FGGY: variants seen among roughly 807,000 people sequenced by gnomAD.
The protein encoded by FGGY is FGGY carbohydrate kinase domain-containing protein.
In FGGY, 72 loss-of-function variants were observed where a neutral mutation model predicts 71.3. That is an observed-to-expected ratio of 1.01 (90% CI 0.84 to 1.23). The LOEUF is 1.23. Among genes scored for constraint, FGGY ranks in the 50% most tolerant of loss-of-function variants. FGGY has a pLI of 0.00. For synonymous variants in FGGY, 251 were observed against 250.3 expected (o/e 1.00, Z -0.02); for missense variants, 668 against 682.3 (o/e 0.98, Z 0.23).
intron 5 of FGGY, among the ~76,000 whole-genome samples, chr1:59,386,434 C>A (rs1438289746): frequency 1.3e-5 from 2 of 152,120 alleles, no homozygotes; most frequent in African/African-American, 4.8e-5. Flanking sequence ...CTTTCTCAAC[C>A]TATCAAGCGA....
chr1:59,374,233 A>T (rs2058245854), intron 4 of FGGY, among the ~76,000 whole-genome samples: 1 of 152,230 alleles, frequency 6.6e-6, no homozygotes, highest in Non-Finnish European at 1.5e-5. Context: ...CCCATCAAAA[A>T]GTGGGTGCAG....
intron 10 of FGGY, among the ~76,000 whole-genome samples, chr1:59,629,344 A>G (rs2096887713): frequency 6.6e-6 from 1 of 152,250 alleles, no homozygotes; most frequent in African/African-American, 2.4e-5. Context: ...TGAATACTGT[A>G]GTAAAATATA....
At chr1:59,555,590 G>T (rs1269136401) in intron 8 of FGGY, among the ~76,000 whole-genome samples, 1 of 152,196 alleles carries the variant, frequency 6.6e-6, no homozygotes, top group African/African-American at 2.4e-5. Context: ...TGCCTGGGAG[G>T]GTGCAGGGTG....
intron 7 of FGGY, among the ~76,000 whole-genome samples, chr1:59,513,986 G>T (rs78621375): frequency 2.0e-5 from 3 of 152,224 alleles, no homozygotes; most frequent in Admixed American, 2.0e-4. Flanking sequence ...ATATATGTAG[G>T]TTGGTTGAAT....
chr1:59,729,199 A>G (rs2097991607), intron 14 of FGGY, among the ~76,000 whole-genome samples: 1 of 151,710 alleles, frequency 6.6e-6, no homozygotes, highest in African/African-American at 2.4e-5. Context: ...TATTATTATT[A>G]TCATTATTAT....
intron 5 of FGGY, among the ~76,000 whole-genome samples, chr1:59,426,131 A>G (rs954694414): frequency 3.3e-5 from 5 of 152,068 alleles, no homozygotes; most frequent in African/African-American, 1.2e-4. Flanking sequence ...TAACATGTCC[A>G]TCTCTCACCC....
intron 4 of FGGY, among the ~76,000 whole-genome samples, chr1:59,368,150 C>G (rs1426865025): frequency 6.6e-6 from 1 of 152,134 alleles, no homozygotes; most frequent in East Asian, 1.9e-4. Context: ...TAATGAGATA[C>G]ATCTGAAATT....
chr1:59,420,377 G>T (rs1478550621), intron 5 of FGGY, among the ~76,000 whole-genome samples: 2 of 152,218 alleles, frequency 1.3e-5, no homozygotes, highest in Non-Finnish European at 1.5e-5. Flanking sequence ...CATTAGTGAA[G>T]TCGTTATTCC....
chr1:59,359,359 A>C (rs986392448), intron 4 of FGGY, among the ~76,000 whole-genome samples: 2 of 152,184 alleles, frequency 1.3e-5, no homozygotes, highest in Non-Finnish European at 2.9e-5. Context: ...AGCTGTTCAA[A>C]GTTAGACTCA....
At chr1:59,349,535 A>G (rs1444263093) in intron 4 of FGGY, among the ~76,000 whole-genome samples, 3 of 152,302 alleles carry the variant, frequency 2.0e-5, no homozygotes, top group South Asian at 2.1e-4. Context: ...ATAAAACTGC[A>G]CTAAATAAAT....
chr1:59,436,048 G>T (rs141344329), intron 5 of FGGY, among the ~76,000 whole-genome samples: 4 of 152,042 alleles, frequency 2.6e-5, no homozygotes, highest in African/African-American at 9.7e-5. Context: ...ACAGCATCTC[G>T]CTTGAATCCC....
At chr1:59,761,082 T>C (rs1018683822) in intron 15 of FGGY, among the ~76,000 whole-genome samples, 2 of 152,228 alleles carry the variant, frequency 1.3e-5, no homozygotes, top group African/African-American at 2.4e-5. Context: ...TTCTAAATGC[T>C]TTTCATTTAT....
intron 14 of FGGY, among the ~76,000 whole-genome samples, chr1:59,712,157 A>C (rs981907506): frequency 6.6e-6 from 1 of 152,204 alleles, no homozygotes; most frequent in Non-Finnish European, 1.5e-5. Flanking sequence ...GGCCCCATGC[A>C]AGTCCAAAAT....
chr1:59,543,661 A>T (rs1380784623), intron 7 of FGGY, among the ~76,000 whole-genome samples: 1 of 152,204 alleles, frequency 6.6e-6, no homozygotes, highest in African/African-American at 2.4e-5. Flanking sequence ...TGGAGAGAGA[A>T]GAGAGCTAGC....
intron 6 of FGGY, among the ~76,000 whole-genome samples, chr1:59,475,236 C>A (rs1470338096): frequency 6.6e-6 from 1 of 152,168 alleles, no homozygotes; most frequent in Non-Finnish European, 1.5e-5. Context: ...ATTATAATCA[C>A]ATTTCATAAT....
intron 14 of FGGY, among the ~76,000 whole-genome samples, chr1:59,674,438 G>A (rs1315047952): frequency 6.6e-6 from 1 of 151,966 alleles, no homozygotes; most frequent in Admixed American, 6.6e-5. Flanking sequence ...ACATGAAACA[G>A]GTAAGGCTCA....
chr1:59,518,333 C>G (rs72666228), intron 7 of FGGY, among the ~76,000 whole-genome samples: 8,231 of 152,192 alleles, frequency 0.054, 287 homozygotes, highest in East Asian at 0.13. Flanking sequence ...CGATCTAAAG[C>G]CTGCGACTTT....
At chr1:59,508,747 A>C (rs186526683) in intron 6 of FGGY, among the ~76,000 whole-genome samples, 92 of 152,300 alleles carry the variant, frequency 6.0e-4, no homozygotes, top group Admixed American at 5.4e-3. Context: ...TCCAAATGAA[A>C]GATGGGATAT....
At chr1:59,417,192 G>T (rs1260965896) in intron 5 of FGGY, among the ~76,000 whole-genome samples, 1 of 152,102 alleles carries the variant, frequency 6.6e-6, no homozygotes, top group Non-Finnish European at 1.5e-5. Context: ...TGGACATTTT[G>T]TTTGGCTTCT....
Sources: allele counts gnomAD v4.1 joint callset (sites outside exome capture counted in the v4.1 genomes callset), GRCh38; gene constraint gnomAD v4.1.1; transcripts MANE v1.5; gene names NCBI Gene and HGNC (gene_info 2026-07-23, HGNC 2026-07-21).